The following ZNF277 variants were observed in gnomAD, a reference collection of about 807,000 sequenced individuals.
The protein encoded by ZNF277 is nuclear receptor-interacting factor 4.
ZNF277 carries 55 observed loss-of-function variants against 60.7 expected under a neutral mutation model. The observed-to-expected ratio is 0.91, with a 90% CI of 0.73 to 1.13. The LOEUF is 1.13. ZNF277 is among the 50% of genes most tolerant of loss of function. The probability of loss-of-function intolerance (pLI) is 0.00; values close to 1 mark genes in which losing one functional copy is unlikely to be tolerated. For missense variants in ZNF277, 510 were observed against 523.0 expected (o/e 0.98, Z 0.24); for synonymous variants, 178 against 179.3 (o/e 0.99, Z 0.06).
chr7:112,255,935 T>G (rs1244603492), intron 1 of ZNF277, among the ~76,000 whole-genome samples: 1 of 152,206 alleles, frequency 6.6e-6, no homozygotes, highest in African/African-American at 2.4e-5. Flanking sequence ...TTTGGCAGAT[T>G]AGATGCTCTC....
At chr7:112,224,274 A>G (rs1197878713) in intron 1 of ZNF277, among the ~76,000 whole-genome samples, 1 of 152,178 alleles carries the variant, frequency 6.6e-6, no homozygotes, top group Non-Finnish European at 1.5e-5. Context: ...ATACACTAAC[A>G]CTTACAATAG....
intron 1 of ZNF277, among the ~76,000 whole-genome samples, chr7:112,243,596 C>A (rs1161068581): frequency 2.0e-5 from 3 of 151,182 alleles, no homozygotes. Flanking sequence ...CTCTAATCAT[C>A]AGAGATGTGA....
In ZNF277 at chr7:112,235,035, G is replaced by A. The variant is rs576345903; in HGVS notation, c.91+28228G>A. On this transcript the variant is annotated intron_variant, in intron 1 of 11. Transcript: ENST00000361822. ...TGTTATTAACAGCCATCTATTTTTT[G>A]CCTGCAGAAATTTATTTTATTCTTT... is the stretch of plus-strand genomic sequence containing the variant. 2.6e-5 allele frequency among the ~76,000 whole-genome samples: 4 copies of A among 151,450 alleles called. No individual in the cohort carries two copies. In the South Asian group the frequency reaches 8.3e-4, roughly 31 times the overall value.
intron 4 of ZNF277, among the ~76,000 whole-genome samples, chr7:112,296,915 T>TATTTTA (rs1554491998): frequency 2.0e-5 from 1 of 49,712 alleles, no homozygotes; most frequent in Non-Finnish European, 4.3e-5. Context: ...TTTATTTATT[T>TATTTTA]TTTTTTTTTT....
chr7:112,286,218 G>A (rs117374574), intron 1 of ZNF277, among the ~76,000 whole-genome samples: 130 of 152,288 alleles, frequency 8.5e-4, no homozygotes, highest in African/African-American at 3.0e-3. Flanking sequence ...TCTAGTGATC[G>A]AGCAGTCATC....
intron 4 of ZNF277, among the ~76,000 whole-genome samples, chr7:112,310,168 T>A (rs191687945): frequency 6.6e-6 from 1 of 152,232 alleles, no homozygotes; most frequent in African/African-American, 2.4e-5. Flanking sequence ...TCATCTTATG[T>A]GGCTCAGAGC....
intron 5 of ZNF277, among the ~76,000 whole-genome samples, chr7:112,320,537 T>A (rs1474507092): frequency 6.6e-6 from 1 of 152,094 alleles, no homozygotes; most frequent in Non-Finnish European, 1.5e-5. Context: ...CATTGGGACA[T>A]AAATGTAGAA....
intron 1 of ZNF277, among the ~76,000 whole-genome samples, chr7:112,225,617 CCA>C (rs1308294113): frequency 3.3e-5 from 5 of 151,954 alleles, no homozygotes; most frequent in African/African-American, 1.2e-4. Flanking sequence ...TGTGTGAATC[CCA>C]GAGTACATCC....
At chr7:112,214,095 G>A (rs1361135217) in intron 1 of ZNF277, among the ~76,000 whole-genome samples, 8 of 152,272 alleles carry the variant, frequency 5.3e-5, no homozygotes, top group Non-Finnish European at 8.8e-5. Flanking sequence ...GTCAGATACC[G>A]AATTACATAC....
chr7:112,340,957 G>T lies in ZNF277; in HGVS notation c.1095G>T (p.Lys365Asn). ...GCAGATGTTATGGCTGCCATGTGAA[G>T]TTCAAATCCAAAGCAGACTTAAGAA... ...HQCRCYGCHVKFKSKADLRTH... is the reference protein window; with the variant it reads ...HQCRCYGCHVNFKSKADLRTH... Residue 365 changes from lysine to asparagine, a missense_variant, in exon 11 of 12, where the codon AAG (lysine) becomes AAT (asparagine). Physicochemically the swap from Lys to Asn is moderately conservative, Grantham distance 94. Coordinates refer to ENST00000361822, the MANE Select transcript of ZNF277 (RefSeq NM_021994.3). 1.9e-6 allele frequency: 3 copies of T among 1,612,892 alleles called. No homozygotes were observed. The South Asian group carries it at 3.3e-5, about 18-fold the overall frequency.
At chr7:112,298,931 G>T (rs1198314954) in intron 4 of ZNF277, among the ~76,000 whole-genome samples, 1 of 152,142 alleles carries the variant, frequency 6.6e-6, no homozygotes, top group Non-Finnish European at 1.5e-5. Context: ...CATGTGTCTG[G>T]TACTACTATT....
At chr7:112,233,177 G>A (rs1587099087) in intron 1 of ZNF277, among the ~76,000 whole-genome samples, 1 of 152,174 alleles carries the variant, frequency 6.6e-6, no homozygotes, top group East Asian at 1.9e-4. Context: ...GATTGTGATT[G>A]TGATGCACTT....
chr7:112,209,036 A>G (rs1441427730), intron 1 of ZNF277, among the ~76,000 whole-genome samples: 1 of 152,082 alleles, frequency 6.6e-6, no homozygotes, highest in African/African-American at 2.4e-5. Context: ...AAGATCTGCA[A>G]CCTTCTTTTT....
chr7:112,254,090 T>C (rs1346670583), intron 1 of ZNF277, among the ~76,000 whole-genome samples: 1 of 152,218 alleles, frequency 6.6e-6, no homozygotes, highest in Non-Finnish European at 1.5e-5. Flanking sequence ...ATCAGTATTT[T>C]GGAATCTCTC....
chr7:112,325,163 C>T (rs1793067022), intron 5 of ZNF277, among the ~76,000 whole-genome samples: 1 of 152,204 alleles, frequency 6.6e-6, no homozygotes, highest in East Asian at 1.9e-4. Flanking sequence ...CCTTCTTGAG[C>T]CTGCTGCCAG....
chr7:112,260,974 G>A (rs1052262139), intron 1 of ZNF277, among the ~76,000 whole-genome samples: 1 of 152,194 alleles, frequency 6.6e-6, no homozygotes, highest in Admixed American at 6.5e-5. Context: ...GCCAATCACA[G>A]AAATGTGTGT....
intron 5 of ZNF277, among the ~76,000 whole-genome samples, chr7:112,319,889 T>C (rs1792937933): frequency 6.6e-6 from 1 of 151,856 alleles, no homozygotes; most frequent in African/African-American, 2.4e-5. Flanking sequence ...GTCTTAAAAG[T>C]TAACTTAAAA....
At position 112,296,933 on chromosome 7, in the gene ZNF277, T is replaced by TATTATTA. The variant is rs1563219801; in HGVS notation, c.465+622_465+623insATTATTA. 9.4e-4 allele frequency among the ~76,000 whole-genome samples: 88 copies of TATTATTA among 93,648 alleles called. 2 individuals are homozygous for TATTATTA. Among genetic ancestry groups the TATTATTA allele is most frequent in the African/African-American group, 2.2e-3 (60 of 27,290 alleles). 61.4% of individuals were successfully genotyped at this position (93,648 alleles called of 152,430 possible). ...ATTTATTTTTTTTTTTTTTTTTTTT[T>TATTATTA]TTTTTTTTTTTTGAGATGGAGTCTC... On this transcript the variant is annotated intron_variant, in intron 4 of 11. Transcript: ENST00000361822.
At chr7:112,257,419 G>A (rs1791341397) in intron 1 of ZNF277, among the ~76,000 whole-genome samples, 1 of 152,166 alleles carries the variant, frequency 6.6e-6, no homozygotes, top group Non-Finnish European at 1.5e-5. Flanking sequence ...GGGTGCTAGA[G>A]AGAACTGGGT....
Sources: allele counts gnomAD v4.1 joint callset (sites outside exome capture counted in the v4.1 genomes callset), GRCh38; gene constraint gnomAD v4.1.1; transcripts MANE v1.5; gene names NCBI Gene and HGNC (gene_info 2026-07-23, HGNC 2026-07-21).